TRPM3: variants seen among roughly 807,000 people sequenced by gnomAD.
The protein encoded by TRPM3 is long transient receptor potential channel 3.
Under a neutral mutation model 181.2 loss-of-function variants are expected in TRPM3, and 77 were observed. The ratio of observed to expected loss-of-function variants is 0.42; its 90% confidence interval spans 0.35 to 0.51. The LOEUF (loss-of-function observed/expected upper bound fraction) is 0.51. TRPM3 is among the 20% of genes least tolerant of loss of function. The pLI is 0.01. For synonymous variants in TRPM3, 745 were observed against 796.4 expected, an observed-to-expected ratio of 0.94 and a Z score of 1.09; for missense variants, 1,759 against 2,196.7, an observed-to-expected ratio of 0.80 and a Z score of 3.98.
At chr9:71,146,895 T>C (rs1176159666) in intron 1 of TRPM3, among the ~76,000 whole-genome samples, 1 of 152,188 alleles carries the variant, frequency 6.6e-6, no homozygotes, top group Non-Finnish European at 1.5e-5. Flanking sequence ...TCCCCTTTAA[T>C]TTCCTTTCTA....
chr9:70,686,783 T>TTTTCTCTC (rs1554669136), intron 8 of TRPM3, among the ~76,000 whole-genome samples: 2 of 101,196 alleles, frequency 2.0e-5, no homozygotes, highest in East Asian at 7.1e-4. Flanking sequence ...CTTTCCCTCC[T>TTTTCTCTC]TTTCTCTCTC....
chr9:70,680,325 GT>G (rs2065104811), intron 9 of TRPM3, among the ~76,000 whole-genome samples: 2 of 152,194 alleles, frequency 1.3e-5, no homozygotes, highest in African/African-American at 4.8e-5. Flanking sequence ...TACAGTATTT[GT>G]AAAGAGTTGA....
intron 1 of TRPM3, among the ~76,000 whole-genome samples, chr9:71,269,912 T>C (rs1393396564): frequency 3.3e-5 from 5 of 152,206 alleles, no homozygotes; most frequent in Admixed American, 2.0e-4. Context: ...CAAAGTAGAA[T>C]AAATATTTGT....
At chr9:70,610,896 G>C in intron 18 of TRPM3, 147 bp from the exon 19 acceptor site, 1 of 889,946 alleles carries the variant, frequency 1.1e-6, no homozygotes, top group East Asian at 2.5e-5. Context: ...TTCCCTAAGA[G>C]TGCATTTGCA....
At chr9:71,444,994 G>A (rs889550257) in intron 1 of TRPM3, among the ~76,000 whole-genome samples, 14 of 152,180 alleles carry the variant, frequency 9.2e-5, no homozygotes, top group African/African-American at 3.4e-4. Flanking sequence ...GTACTACAGA[G>A]AACTACAGCA....
intron 1 of TRPM3, among the ~76,000 whole-genome samples, chr9:71,284,039 C>G (rs551859283): frequency 6.6e-6 from 1 of 152,208 alleles, no homozygotes; most frequent in African/African-American, 2.4e-5. Context: ...CTGCCACTTG[C>G]TAGCTAAATG....
At position 70,967,741 on chromosome 9, in the gene TRPM3, TATGATGTGAATATTTATTGAGA is replaced by T. The variant is rs539897222; in HGVS notation, c.178-103252_178-103231del. Among the ~76,000 whole-genome samples the T allele has an allele frequency of 5.3e-5, 8 of 152,224 alleles. No individual in the cohort carries two copies. In the South Asian group the frequency reaches 1.7e-3, roughly 32 times the overall value. ...AGCCTTCCATAATTCTTAGCATCAT[TATGATGTGAATATTTATTGAGA>T]AACTCTAAGAGGGTGATTTATATAG... On this transcript the variant is annotated intron_variant, in intron 1 of 25. Transcript: ENST00000677713.
intron 1 of TRPM3, among the ~76,000 whole-genome samples, chr9:71,089,862 G>T (rs115645994): frequency 0.02 from 3,080 of 152,108 alleles, 107 homozygotes; most frequent in African/African-American, 0.07. Context: ...CTACATCAGG[G>T]TGTCCAATCT....
chr9:70,544,114 G>A (rs562766581), intron 25 of TRPM3, among the ~76,000 whole-genome samples: 1 of 152,268 alleles, frequency 6.6e-6, no homozygotes, highest in East Asian at 1.9e-4. Flanking sequence ...ACTCCCTACT[G>A]TGATCACCAG....
chr9:70,700,920 G>T (rs2072330933), intron 8 of TRPM3, among the ~76,000 whole-genome samples: 1 of 152,194 alleles, frequency 6.6e-6, no homozygotes, highest in Non-Finnish European at 1.5e-5. Flanking sequence ...TAGAGGGCAG[G>T]TTGTCCATTT....
chr9:70,902,164 T>G (rs1234502836), intron 1 of TRPM3, among the ~76,000 whole-genome samples: 1 of 152,240 alleles, frequency 6.6e-6, no homozygotes, highest in African/African-American at 2.4e-5. Flanking sequence ...TAGCTGTTAA[T>G]GAACCAAATT....
intron 1 of TRPM3, among the ~76,000 whole-genome samples, chr9:71,012,710 C>G (rs139322275): frequency 2.6e-4 from 39 of 151,696 alleles, no homozygotes; most frequent in African/African-American, 8.9e-4. Context: ...TGTTTTGTAC[C>G]CATGAAAGCT....
chr9:71,150,522 A>T (rs1385339044), intron 1 of TRPM3, among the ~76,000 whole-genome samples: 1 of 152,164 alleles, frequency 6.6e-6, no homozygotes, highest in Non-Finnish European at 1.5e-5. Context: ...ACTATGTCAA[A>T]TTTGAAAATT....
rs1016261050 is a variant in TRPM3, at chr9:71,054,030, G to C, written c.177+67148C>G. Among the ~76,000 whole-genome samples the C allele has an allele frequency of 3.3e-5, 5 of 152,258 alleles. No individual in the cohort carries two copies. In the East Asian group the frequency reaches 5.8e-4, roughly 18 times the overall value. On this transcript the variant is annotated intron_variant, in intron 1 of 25. Coordinates refer to ENST00000677713, the MANE Select transcript of TRPM3 (RefSeq NM_001366145.2). ...AATTCAGCACGACTTTGCAGGTTTA[G>C]ATCCTGGCTTTGCCTTATACTAACT...
intron 1 of TRPM3, among the ~76,000 whole-genome samples, chr9:71,300,901 AT>A (rs2086709361): frequency 6.6e-6 from 1 of 152,122 alleles, no homozygotes; most frequent in African/African-American, 2.4e-5. Flanking sequence ...ACCAAATTGG[AT>A]CCTCAATAAA....
At chr9:71,238,667 T>G (rs1441475199) in intron 1 of TRPM3, among the ~76,000 whole-genome samples, 1 of 152,222 alleles carries the variant, frequency 6.6e-6, no homozygotes, top group Non-Finnish European at 1.5e-5. Flanking sequence ...GTCTTATCAT[T>G]GTAATGCATT....
chr9:70,616,896 T>C (rs921156267), intron 17 of TRPM3, among the ~76,000 whole-genome samples: 1 of 152,192 alleles, frequency 6.6e-6, no homozygotes, highest in African/African-American at 2.4e-5. Context: ...TTCTGCATGA[T>C]AATACTGATG....
chr9:70,766,375 T>C (rs907388305), intron 7 of TRPM3, among the ~76,000 whole-genome samples: 3 of 152,176 alleles, frequency 2.0e-5, no homozygotes, highest in Non-Finnish European at 4.4e-5. Flanking sequence ...GGAAATGCAT[T>C]TAGAATTCAA....
chr9:71,364,389 C>T (rs1488863365), intron 1 of TRPM3, among the ~76,000 whole-genome samples: 2 of 152,250 alleles, frequency 1.3e-5, no homozygotes, highest in African/African-American at 4.8e-5. Flanking sequence ...ATGGGATACT[C>T]TTCTGGACAT....
Sources: allele counts gnomAD v4.1 joint callset (sites outside exome capture counted in the v4.1 genomes callset), GRCh38; gene constraint gnomAD v4.1.1; transcripts MANE v1.5; gene names NCBI Gene and HGNC (gene_info 2026-07-23, HGNC 2026-07-21).